Variants in NALCN observed in about 807,000 individuals in gnomAD.
NALCN encodes sodium leak channel, non-selective, also known as sodium leak channel NALCN.
NALCN carries 111 observed loss-of-function variants against 225.3 expected under a neutral mutation model. That is an observed-to-expected ratio of 0.49 (90% confidence interval 0.42 to 0.58). The LOEUF (loss-of-function observed/expected upper bound fraction) is 0.58. Ranked by LOEUF, NALCN falls within the 20% of genes least tolerant of loss-of-function variation. The probability of loss-of-function intolerance (pLI) is 0.00; values close to 1 mark genes in which losing one functional copy is unlikely to be tolerated. For missense variants in NALCN, 1,378 were observed against 2,202.4 expected (o/e 0.63, Z 7.49); for synonymous variants, 764 against 769.0 (o/e 0.99, Z 0.11).
chr13:101,172,239 G>T (rs965587829), intron 15 of NALCN, among the ~76,000 whole-genome samples: 1 of 152,130 alleles, frequency 6.6e-6, no homozygotes, highest in East Asian at 1.9e-4. Flanking sequence ...GCCCATGCCT[G>T]CCCTCAGGGA....
intron 15 of NALCN, among the ~76,000 whole-genome samples, chr13:101,174,792 T>C (rs990082597): frequency 2.0e-5 from 3 of 152,120 alleles, no homozygotes; most frequent in Non-Finnish European, 4.4e-5. Context: ...CTAAAAAAAA[T>C]TGGATATTTT....
At chr13:101,301,718 C>T (rs1197592703) in intron 7 of NALCN, among the ~76,000 whole-genome samples, 2 of 134,700 alleles carry the variant, frequency 1.5e-5, no homozygotes, top group Non-Finnish European at 3.4e-5. Flanking sequence ...AAGACTCTGT[C>T]TCAAAAAAAA....
At chr13:101,074,742 G>A (rs914757026) in intron 35 of NALCN, 80 bp from the exon 36 acceptor site, 1 of 1,233,192 alleles carries the variant, frequency 8.1e-7, no homozygotes, top group Non-Finnish European at 1.1e-6. Flanking sequence ...GAGAGAGAGA[G>A]AATATTCAAT....
chr13:101,402,231 A>T (rs2047496507), intron 1 of NALCN, among the ~76,000 whole-genome samples: 2 of 152,228 alleles, frequency 1.3e-5, no homozygotes, highest in Non-Finnish European at 2.9e-5. Context: ...GGCTTTCAAA[A>T]GGTTTCCGAC....
chr13:101,180,971 A>G (rs891046609), intron 14 of NALCN: 1 of 439,262 alleles, frequency 2.3e-6, no homozygotes, highest in East Asian at 5.7e-5. Context: ...AAGTGTGAAG[A>G]AGGAGGACCA....
At chr13:101,313,226 AC>A (rs1421220577) in intron 7 of NALCN, among the ~76,000 whole-genome samples, 1 of 151,998 alleles carries the variant, frequency 6.6e-6, no homozygotes, top group African/African-American at 2.4e-5. Flanking sequence ...AACCATAAAA[AC>A]CCTAGAGGAA....
chr13:101,259,628 C>T, intron 10 of NALCN, among the ~76,000 whole-genome samples: 1 of 151,236 alleles, frequency 6.6e-6, no homozygotes, highest in Non-Finnish European at 1.5e-5. Flanking sequence ...GCCACCATGC[C>T]TGGCCATAAT....
rs144752205 is a variant in NALCN, at chr13:101,309,081, A to T, written c.800-16715T>A. The stretch of plus-strand genomic sequence containing the variant: ...TTTTGGTTTCATGACTAATGGTATG[A>T]TTCAACAACATGGAGCAATAAATTA... On this transcript the variant is annotated intron_variant, in intron 7 of 43. Transcript: ENST00000251127. Among the ~76,000 whole-genome samples, 921 of 152,354 alleles carry T rather than the reference A, an allele frequency of 6.0e-3. 5 individuals carry two copies. Among genetic ancestry groups the T allele is most frequent in the Non-Finnish European group, 0.011 (755 of 68,024 alleles).
intron 20 of NALCN, among the ~76,000 whole-genome samples, chr13:101,108,195 C>G (rs934009828): frequency 1.3e-5 from 2 of 150,556 alleles, no homozygotes; most frequent in Non-Finnish European, 3.0e-5. Context: ...TATAAATTTA[C>G]AGTATATAAA....
chr13:101,163,220 T>C (rs2038274727), intron 15 of NALCN, among the ~76,000 whole-genome samples: 1 of 149,468 alleles, frequency 6.7e-6, no homozygotes. Context: ...ATATATATTT[T>C]AATTGAAGGG....
chr13:101,083,159 T>C lies in NALCN; in HGVS notation c.3623A>G (p.Gln1208Arg). 6.2e-7 allele frequency: 1 copy of C among 1,614,154 alleles called. No homozygotes were observed. The highest frequency in any genetic ancestry group is 2.2e-5 in the East Asian group (1 of 44,878). ...GATTGTCCTCTTAAAAAATGGATGCTGGGTTATGTCATACATTTTAGCTCT... is the reference window on the plus strand; with the variant it reads ...GATTGTCCTCTTAAAAAATGGATGCCGGGTTATGTCATACATTTTAGCTCT... ...GFRAKMYDIT[Q>R]HPFFKRTIAL... Residue 1208 changes from glutamine (Q) to arginine (R), a missense_variant, in exon 32 of 44, where the codon CAG (glutamine) becomes CGG (arginine). Around this residue, in one of 19 missense-constraint regions of NALCN, gnomAD observed 98 missense variants for 156.6 expected, o/e 0.63. Transcript: ENST00000251127.
chr13:101,399,236 T>G, intron 1 of NALCN, 71 bp from the exon 2 acceptor site: 1 of 1,013,682 alleles, frequency 9.9e-7, no homozygotes, highest in South Asian at 1.5e-5. Flanking sequence ...GTTCCCCACA[T>G]ATATCTACTT....
rs190420929 is a variant in NALCN at position 101,073,590 on chromosome 13, G to A, written c.4191C>T (p.Asp1397=). 1 of 1,611,858 alleles carries A rather than the reference G, an allele frequency of 6.2e-7. No individual in the cohort carries two copies. The highest frequency in any genetic ancestry group is 8.5e-7 in the Non-Finnish European group (1 of 1,178,384). Residue 1397 remains aspartate, a synonymous_variant, in exon 37 of 44, where the codon GAC becomes GAT. Coordinates refer to ENST00000251127, the MANE Select transcript of NALCN (RefSeq NM_052867.4). ...TGEDWNKIMH[D]CMVQPPFCTP... ...CATGATGAGAGATATTTACCATACAGTCATGCATAATCTTGTTCCAGTCTT... is the reference window on the plus strand; with the variant it reads ...CATGATGAGAGATATTTACCATACAATCATGCATAATCTTGTTCCAGTCTT...
chr13:101,083,677 C>T (rs775637370), intron 31 of NALCN, 34 bp downstream of exon 31: 2 of 1,599,666 alleles, frequency 1.3e-6, no homozygotes, highest in Non-Finnish European at 1.7e-6. Flanking sequence ...CACACTAGTG[C>T]CCAACATGAA....
chr13:101,412,963 A>T (rs919866642), intron 1 of NALCN, among the ~76,000 whole-genome samples: 1 of 152,104 alleles, frequency 6.6e-6, no homozygotes, highest in African/African-American at 2.4e-5. Context: ...TTACTCTAAG[A>T]GGTATATTTT....
intron 17 of NALCN, among the ~76,000 whole-genome samples, chr13:101,136,449 C>G (rs926446870): frequency 7.7e-6 from 1 of 129,346 alleles, no homozygotes; most frequent in Non-Finnish European, 1.6e-5. Flanking sequence ...TACTATCCCT[C>G]CCCCCTCCCC....
intron 15 of NALCN, among the ~76,000 whole-genome samples, chr13:101,172,753 G>A (rs1244525597): frequency 6.6e-6 from 1 of 151,874 alleles, no homozygotes; most frequent in Non-Finnish European, 1.5e-5. Context: ...ATTTTTAGTA[G>A]AGACGGGATT....
At chr13:101,237,416 A>T (rs1230453217) in intron 12 of NALCN, among the ~76,000 whole-genome samples, 1 of 152,080 alleles carries the variant, frequency 6.6e-6, no homozygotes, top group African/African-American at 2.4e-5. Flanking sequence ...TTGTGCCAAC[A>T]TCTTATGTAG....
chr13:101,062,037 G>A lies in NALCN; in HGVS notation c.4686C>T (p.Thr1562=), dbSNP rs778052102. The A allele has an allele frequency of 4.3e-6, 7 of 1,613,974 alleles. No individual in the cohort carries two copies. The highest frequency in any genetic ancestry group is 5.9e-6 in the Non-Finnish European group (7 of 1,179,994). Residue 1562 remains threonine, a synonymous_variant, in exon 41 of 44, where the codon ACC becomes ACT. Transcript: ENST00000251127. ...TCTGCTTGGCCACCTCCTCCTCTAT[G>A]GTGTACTCCAGCTGCTCCCTCGCCA... is the stretch of plus-strand genomic sequence containing the variant. ...ELLAREQLEY[T]IEEEVAKQTI...
Sources: allele counts gnomAD v4.1 joint callset (sites outside exome capture counted in the v4.1 genomes callset), GRCh38; gene constraint gnomAD v4.1.1; regional missense constraint gnomAD v4.1.1; transcripts MANE v1.5; gene names NCBI Gene and HGNC (gene_info 2026-07-23, HGNC 2026-07-21).